The following SLC9A8 variants were observed in gnomAD, a reference collection of about 807,000 sequenced individuals.
SLC9A8 encodes sodium/hydrogen exchanger 8.
Under a neutral mutation model 66.6 loss-of-function variants are expected in SLC9A8, and 48 were observed. That is an observed-to-expected ratio of 0.72 (90% CI 0.57 to 0.92). SLC9A8 has a LOEUF of 0.92. Ranked by LOEUF, SLC9A8 falls within the 40% of genes least tolerant of loss-of-function variation. SLC9A8 has a pLI of 0.00. For synonymous variants in SLC9A8, 274 were observed against 282.6 expected, an observed-to-expected ratio of 0.97 and a Z score of 0.31; for missense variants, 599 against 747.3, an observed-to-expected ratio of 0.80 and a Z score of 2.31.
chr20:49,840,807 G>C (rs1442205108), intron 4 of SLC9A8, among the ~76,000 whole-genome samples: 1 of 151,362 alleles, frequency 6.6e-6, no homozygotes, highest in Non-Finnish European at 1.5e-5. Flanking sequence ...CATTTTGTTT[G>C]ATCTGATTTA....
intron 2 of SLC9A8, among the ~76,000 whole-genome samples, chr20:49,816,950 A>G (rs1013930027): frequency 2.6e-5 from 4 of 151,760 alleles, no homozygotes; most frequent in Non-Finnish European, 5.9e-5. Context: ...GGATGGTCTC[A>G]ATCTCCTGAC....
chr20:49,830,358 C>A, intron 3 of SLC9A8: 1 of 878,744 alleles, frequency 1.1e-6, no homozygotes, highest in Non-Finnish European at 2.0e-6. Flanking sequence ...GGAGGGGGCC[C>A]GCCTGGGAAG....
At chr20:49,884,289 G>GACACACAC (rs1176516884) in intron 14 of SLC9A8, 11 of 38,768 alleles carry the variant, frequency 2.8e-4, no homozygotes, top group Non-Finnish European at 5.3e-4. Context: ...ACACACACAC[G>GACACACAC]ACACACACAC....
chr20:49,874,972 T>C, intron 11 of SLC9A8, 151 bp downstream of exon 11: 1 of 652,652 alleles, frequency 1.5e-6, no homozygotes, highest in Non-Finnish European at 2.8e-6. Context: ...TTTTGTTTGT[T>C]CCTCTGGCTT....
intron 3 of SLC9A8, among the ~76,000 whole-genome samples, chr20:49,835,034 A>C (rs930445541): frequency 1.3e-5 from 2 of 152,242 alleles, no homozygotes; most frequent in African/African-American, 4.8e-5. Flanking sequence ...ATGATTATCC[A>C]GCGCGACTGA....
At chr20:49,816,197 A>G (rs2086542071) in intron 2 of SLC9A8, among the ~76,000 whole-genome samples, 1 of 152,134 alleles carries the variant, frequency 6.6e-6, no homozygotes, top group African/African-American at 2.4e-5. Context: ...AGGCAGATGG[A>G]TCACTTGAGG....
At chr20:49,847,265 A>T (rs1315400939) in intron 5 of SLC9A8, among the ~76,000 whole-genome samples, 3 of 152,192 alleles carry the variant, frequency 2.0e-5, no homozygotes, top group African/African-American at 7.2e-5. Flanking sequence ...CACTTTGTAA[A>T]CAAATCTTAA....
intron 2 of SLC9A8, among the ~76,000 whole-genome samples, chr20:49,818,382 T>C (rs962186673): frequency 3.3e-5 from 5 of 152,212 alleles, no homozygotes; most frequent in African/African-American, 1.2e-4. Flanking sequence ...TTAGCATGTA[T>C]TACCAAAACA....
intron 4 of SLC9A8, among the ~76,000 whole-genome samples, chr20:49,842,433 A>G (rs1012747383): frequency 2.6e-5 from 4 of 152,208 alleles, no homozygotes; most frequent in South Asian, 2.1e-4. Flanking sequence ...TTTTGTAAAC[A>G]TGATAAAAAT....
rs978349722 is a variant in SLC9A8 at position 49,853,362 on chromosome 20, G to A, written c.570-2076G>A. Among the ~76,000 whole-genome samples the A allele has an allele frequency of 4.6e-5, 7 of 152,084 alleles. No individual in the cohort carries two copies. In the East Asian group the frequency reaches 1.2e-3, roughly 25 times the overall value. On this transcript the variant is annotated intron_variant, in intron 7 of 15. Transcript: ENST00000361573. ...TCTCTATATTGCCCAGGCTGGTCCT[G>A]AACTCCTGAGCTCAAGCCATCCTCC...
chr20:49,883,192 T>TC (rs1302210945), intron 13 of SLC9A8, among the ~76,000 whole-genome samples: 1 of 152,064 alleles, frequency 6.6e-6, no homozygotes, highest in Admixed American at 6.5e-5. Context: ...TCCAGCTCAG[T>TC]CCATGCCCCT....
At chr20:49,843,196 T>TG (rs559161069) in intron 4 of SLC9A8, among the ~76,000 whole-genome samples, 51 of 150,548 alleles carry the variant, frequency 3.4e-4, no homozygotes, top group East Asian at 1.4e-3. Context: ...TTTCCTGGGG[T>TG]GGGGGGGGCT....
intron 4 of SLC9A8, among the ~76,000 whole-genome samples, chr20:49,842,359 C>T (rs1255771109): frequency 1.3e-5 from 2 of 152,146 alleles, no homozygotes; most frequent in African/African-American, 2.4e-5. Flanking sequence ...TGAGCCACCA[C>T]GCCTGGCCAT....
intron 5 of SLC9A8, among the ~76,000 whole-genome samples, chr20:49,846,157 G>C (rs1385550385): frequency 6.6e-6 from 1 of 152,136 alleles, no homozygotes; most frequent in Non-Finnish European, 1.5e-5. Context: ...GAGTCTTTCT[G>C]CCTGAGCAGG....
At chr20:49,817,132 A>G (rs1012652076) in intron 2 of SLC9A8, among the ~76,000 whole-genome samples, 2 of 151,944 alleles carry the variant, frequency 1.3e-5, no homozygotes, top group African/African-American at 4.8e-5. Flanking sequence ...CCTGGCCAAC[A>G]CGATGACTCC....
At chr20:49,869,746 T>C (rs1272414994) in intron 10 of SLC9A8, among the ~76,000 whole-genome samples, 1 of 151,852 alleles carries the variant, frequency 6.6e-6, no homozygotes, top group South Asian at 2.1e-4. Flanking sequence ...GGCAGGAGAA[T>C]TGCTTGAACC....
Position 49,886,387 on chromosome 20 carries a change from A to G in SLC9A8, c.1492-365A>G, listed in dbSNP as rs2089893378. The G allele has an allele frequency of 5.8e-6, 1 of 173,902 alleles. No homozygotes were observed. Among genetic ancestry groups the G allele is most frequent in the Admixed American group, 6.3e-5 (1 of 15,890 alleles). 10.8% of individuals were successfully genotyped at this position (173,902 alleles called of 1,614,324 possible). A position where few individuals can be genotyped will look rare whatever the true frequency, so the allele number is the denominator to read the frequency against. On this transcript the variant is annotated intron_variant, in intron 14 of 15. Coordinates refer to ENST00000361573, the MANE Select transcript of SLC9A8 (RefSeq NM_015266.3). This position sits in a 1 kb window ranked among gnomAD's most constrained non-coding sequence, Gnocchi z 4.8. ...GTCCTAGCTAATAGAGCCACAGGCA[A>G]AGAGACAAAAAGCCTCCCTGTGCGA... is the stretch of plus-strand genomic sequence containing the variant.
chr20:49,831,424 T>A (rs890243274), intron 3 of SLC9A8, among the ~76,000 whole-genome samples: 2 of 151,874 alleles, frequency 1.3e-5, no homozygotes, highest in African/African-American at 4.8e-5. Context: ...TCTCTCTCTC[T>A]CTCTCTCTGT....
At chr20:49,841,908 A>C (rs986346252) in intron 4 of SLC9A8, among the ~76,000 whole-genome samples, 1 of 151,884 alleles carries the variant, frequency 6.6e-6, no homozygotes, top group East Asian at 1.9e-4. Context: ...GCTAATTTTT[A>C]AAAAAATTTT....
Sources: allele counts gnomAD v4.1 joint callset (sites outside exome capture counted in the v4.1 genomes callset), GRCh38; gene constraint gnomAD v4.1.1; non-coding constraint Gnocchi (gnomAD v3.1); transcripts MANE v1.5; gene names NCBI Gene and HGNC (gene_info 2026-07-23, HGNC 2026-07-21).